The following PTPRA variants were observed in gnomAD, a reference collection of about 807,000 sequenced individuals.
PTPRA encodes receptor-type tyrosine-protein phosphatase alpha.
Under a neutral mutation model 104.8 loss-of-function variants are expected in PTPRA, and 25 were observed. That is an observed-to-expected ratio of 0.24 (90% CI 0.17 to 0.33). PTPRA has a LOEUF of 0.33. Ranked by LOEUF, PTPRA falls within the 10% of genes least tolerant of loss-of-function variation. The pLI, the probability that PTPRA is intolerant of heterozygous loss-of-function variation, is 1.00. For synonymous variants in PTPRA, 323 were observed against 368.9 expected (o/e 0.88, Z 1.43); for missense variants, 765 against 1,015.3 (o/e 0.75, Z 3.35).
chr20:2,944,762 T>TA (rs1163911516), intron 2 of PTPRA, among the ~76,000 whole-genome samples: 10 of 152,176 alleles, frequency 6.6e-5, no homozygotes, highest in Admixed American at 3.9e-4. Flanking sequence ...TTCGAGTGCT[T>TA]AAAAAAATTG....
intron 2 of PTPRA, among the ~76,000 whole-genome samples, chr20:2,935,008 A>G (rs780718543): frequency 2.0e-5 from 3 of 152,126 alleles, no homozygotes; most frequent in Non-Finnish European, 4.4e-5. Flanking sequence ...ACTTTGTTCA[A>G]TAAAAATAAC....
Position 3,038,190 on chromosome 20 carries a change from GTT to G in PTPRA, c.*60_*61del. The G allele has an allele frequency of 6.7e-7, 1 of 1,499,316 alleles. No individual in the cohort carries two copies. Among genetic ancestry groups the G allele is most frequent in the South Asian group, 1.1e-5 (1 of 87,944 alleles). 92.9% of individuals were successfully genotyped at this position (1,499,316 alleles called of 1,614,324 possible). A position where few individuals can be genotyped will look rare whatever the true frequency, so the allele number is the denominator to read the frequency against. ...TGCCTTTAATATTTTGTAATATTCT[GTT>G]TTGTTAATATACCCCAAATTGTGTA... On this transcript the variant is annotated 3_prime_UTR_variant, in exon 24 of 24. Transcript: ENST00000399903.
intron 22 of PTPRA, among the ~76,000 whole-genome samples, chr20:3,036,467 T>C (rs566570): frequency 0.46 from 69,531 of 152,168 alleles, 17,446 homozygotes; most frequent in African/African-American, 0.64. Context: ...GTGTGCACCA[T>C]GGGCTGGCTC....
At chr20:2,909,290 AAAAAC>A (rs1275062176) in intron 1 of PTPRA, among the ~76,000 whole-genome samples, 16 of 152,228 alleles carry the variant, frequency 1.1e-4, no homozygotes, top group East Asian at 9.6e-4. Flanking sequence ...TCCTGTCTCA[AAAAAC>A]AAAACAAAAC....
At chr20:2,988,255 A>C in intron 8 of PTPRA, 83 bp from the exon 9 acceptor site, 1 of 1,551,828 alleles carries the variant, frequency 6.4e-7, no homozygotes, top group Non-Finnish European at 8.7e-7. Context: ...GGCTTGGTCC[A>C]TGAGGTAGAA....
chr20:3,033,731 G>A (rs183951396), intron 20 of PTPRA, among the ~76,000 whole-genome samples: 63 of 151,866 alleles, frequency 4.1e-4, no homozygotes, highest in Admixed American at 6.6e-4. Context: ...GAGAAACCCC[G>A]TCTCTACTAA....
At chr20:2,974,165 A>G (rs2062321213) in intron 5 of PTPRA, among the ~76,000 whole-genome samples, 2 of 151,676 alleles carry the variant, frequency 1.3e-5, no homozygotes, top group Admixed American at 6.6e-5. Flanking sequence ...TGTGTTACCC[A>G]GGATGGTCTC....
chr20:3,021,566 C>G (rs755201274), intron 14 of PTPRA, 138 bp downstream of exon 14: 3 of 1,259,082 alleles, frequency 2.4e-6, no homozygotes, highest in Non-Finnish European at 3.3e-6. Context: ...TATCCGGGCT[C>G]AGGGGAACTT....
At chr20:2,901,171 A>G (rs1412113654) in intron 1 of PTPRA, among the ~76,000 whole-genome samples, 1 of 152,024 alleles carries the variant, frequency 6.6e-6, no homozygotes, top group Non-Finnish European at 1.5e-5. Flanking sequence ...GGGTTTCACC[A>G]TCTTGGCCAG....
upstream of PTPRA, among the ~76,000 whole-genome samples, chr20:2,869,589 G>A (rs554945130): frequency 2.0e-5 from 3 of 152,328 alleles, no homozygotes; most frequent in South Asian, 6.2e-4. Context: ...GCTAGGATTG[G>A]GGCTAGGAAC....
Position 3,022,628 on chromosome 20 carries a change from C to G in PTPRA, c.1329-61C>G. On this transcript the variant is annotated intron_variant, in intron 15 of 23. Coordinates refer to ENST00000399903, the MANE Select transcript of PTPRA (RefSeq NM_001385305.1). This position sits in a 1 kb window ranked among gnomAD's most constrained non-coding sequence, Gnocchi z 4.6. The stretch of plus-strand genomic sequence containing the variant: ...AAGAGCCCCTGCCTGTGTTGCCCCT[C>G]CCTATCTGCTCCCACAAGGCAGGCT... 6.2e-7 allele frequency: 1 copy of G among 1,607,114 alleles called. No homozygotes were observed. Among genetic ancestry groups the G allele is most frequent in the Non-Finnish European group, 8.5e-7 (1 of 1,175,480 alleles).
intron 5 of PTPRA, among the ~76,000 whole-genome samples, chr20:2,966,598 G>C (rs146760942): frequency 6.6e-6 from 1 of 152,338 alleles, no homozygotes; most frequent in African/African-American, 2.4e-5. Context: ...TTGTGCTTTA[G>C]AGTTAATGTA....
At chr20:2,905,987 C>T (rs940919411) in intron 1 of PTPRA, among the ~76,000 whole-genome samples, 8 of 151,850 alleles carry the variant, frequency 5.3e-5, no homozygotes, top group African/African-American at 1.7e-4. Context: ...CACCTGACCT[C>T]GTAAAATTCT....
chr20:2,950,531 T>C lies in PTPRA; in HGVS notation c.-7+2507T>C, dbSNP rs1755374138. Among the ~76,000 whole-genome samples, 1 of 151,698 alleles carries C rather than the reference T, an allele frequency of 6.6e-6. No homozygotes were observed. Among genetic ancestry groups the C allele is most frequent in the South Asian group, 2.1e-4 (1 of 4,806 alleles). On this transcript the variant is annotated intron_variant, in intron 3 of 23. Coordinates refer to ENST00000399903, the MANE Select transcript of PTPRA (RefSeq NM_001385305.1). The surrounding 1 kb of genome is among the most constrained non-coding windows in gnomAD (Gnocchi z 4.0). The stretch of plus-strand genomic sequence containing the variant: ...GGTGGCAGGCACCTGTAGTCCCAGC[T>C]ACTCAGAAGGCTGAGGCAGGAGAAT...
chr20:2,921,659 G>A (rs538773240), intron 1 of PTPRA, among the ~76,000 whole-genome samples: 18 of 152,182 alleles, frequency 1.2e-4, no homozygotes, highest in Non-Finnish European at 2.5e-4. Flanking sequence ...GTGCCAGCTG[G>A]ATTCTACAGG....
At chr20:2,926,322 G>A (rs946211865) in intron 2 of PTPRA, among the ~76,000 whole-genome samples, 3 of 152,162 alleles carry the variant, frequency 2.0e-5, no homozygotes, top group Non-Finnish European at 2.9e-5. Context: ...CGGGCTGTGC[G>A]GGAGAATCTG....
intron 2 of PTPRA, among the ~76,000 whole-genome samples, chr20:2,935,873 C>T (rs1052115929): frequency 6.6e-6 from 1 of 152,086 alleles, no homozygotes. Flanking sequence ...AAAAATTAGC[C>T]GGGCGTGGCT....
At chr20:2,946,969 T>C (rs1389580949) in intron 2 of PTPRA, among the ~76,000 whole-genome samples, 1 of 152,186 alleles carries the variant, frequency 6.6e-6, no homozygotes, top group Non-Finnish European at 1.5e-5. Context: ...TGAAATGTTT[T>C]GGTTAACATG....
At chr20:2,872,809 C>T (rs767865622), upstream of PTPRA, among the ~76,000 whole-genome samples, 43 of 152,324 alleles carry the variant, frequency 2.8e-4, no homozygotes, top group African/African-American at 6.0e-4. The surrounding 1 kb of genome is among the most constrained non-coding windows in gnomAD (Gnocchi z 7.9). Flanking sequence ...CCTCCCCTCC[C>T]CCGCCAGGCG....
Sources: gnomAD v4.1 joint callset for allele counts (sites outside exome capture counted in the v4.1 genomes callset) on GRCh38, gnomAD v4.1.1 for gene constraint, Gnocchi (gnomAD v3.1) non-coding constraint, MANE v1.5 for transcripts, NCBI Gene and HGNC (gene_info 2026-07-23, HGNC 2026-07-21) for gene names.